E2F6: variants seen among roughly 807,000 people sequenced by gnomAD.
E2F6 encodes transcription factor E2F6.
E2F6 carries 19 observed loss-of-function variants against 31.5 expected under a neutral mutation model. That is an observed-to-expected ratio of 0.60 (90% confidence interval 0.42 to 0.89). The LOEUF is 0.89. E2F6 is among the 40% of genes least tolerant of loss of function. The pLI, the probability that E2F6 is intolerant of heterozygous loss-of-function variation, is 0.00. For missense variants in E2F6, 269 were observed against 341.6 expected (o/e 0.79, Z 1.67); for synonymous variants, 121 against 127.7 (o/e 0.95, Z 0.36).
chr2:11,459,046 C>T (rs1265283929), intron 1 of E2F6, among the ~76,000 whole-genome samples: 2 of 152,084 alleles, frequency 1.3e-5, no homozygotes, highest in African/African-American at 4.8e-5. Flanking sequence ...CATTTAACCC[C>T]TCTGCTAATA....
intron 1 of E2F6, among the ~76,000 whole-genome samples, chr2:11,461,475 C>T (rs191593751): frequency 6.0e-4 from 92 of 152,328 alleles, no homozygotes; most frequent in African/African-American, 2.0e-3. Context: ...CCTCAGCCTC[C>T]CGAGTAGCTG....
At position 11,465,721 on chromosome 2, in the gene E2F6, G is replaced by A. The variant is rs1339740638; in HGVS notation, c.108+51C>T. ...GGTTGGCGGCGGCGCGGGGAGGAGG[G>A]GGCCGGATTTGGGAGACCACCGCCC... is the stretch of plus-strand genomic sequence containing the variant. On this transcript the variant is annotated intron_variant, in intron 1 of 6. Coordinates refer to ENST00000381525, the MANE Select transcript of E2F6 (RefSeq NM_198256.4). The A allele has an allele frequency of 3.2e-6, 5 of 1,540,258 alleles. No homozygotes were observed. In the East Asian group the frequency reaches 7.4e-5, roughly 23 times the overall value.
At chr2:11,461,115 G>T (rs999650343) in intron 1 of E2F6, among the ~76,000 whole-genome samples, 3 of 152,148 alleles carry the variant, frequency 2.0e-5, no homozygotes, top group Non-Finnish European at 2.9e-5. Context: ...TATCTCCACA[G>T]GCAATGCAGA....
chr2:11,451,868 T>C, intron 3 of E2F6, 62 bp from the exon 4 acceptor site: 1 of 1,501,454 alleles, frequency 6.7e-7, no homozygotes, highest in East Asian at 2.4e-5. Context: ...TAATTTCAAG[T>C]TAGGTTATTG....
chr2:11,453,708 C>T lies in E2F6; in HGVS notation c.254G>A (p.Gly85Asp), dbSNP rs1671216443. 6.2e-7 allele frequency: 1 copy of T among 1,614,100 alleles called. No homozygotes were observed. Among genetic ancestry groups the T allele is most frequent in the East Asian group, 2.2e-5 (1 of 44,882 alleles). ...TGCAACCTTGTTTAAGTCAAGAATA[C>T]CCCCGGGAGCAGATCTGACAAGATC... ...FMDLVRSAPG[G>D]ILDLNKVATK... The change falls in exon 3 of 7, where the codon GGT becomes GAT. Residue 85 changes from glycine (G) to aspartate (D), a missense_variant. Physicochemically the swap from Gly to Asp is moderately conservative, Grantham distance 94. Coordinates refer to ENST00000381525, the MANE Select transcript of E2F6 (RefSeq NM_198256.4).
chr2:11,451,582 C>A, intron 4 of E2F6, 69 bp downstream of exon 4: 1 of 1,424,122 alleles, frequency 7.0e-7, no homozygotes. Flanking sequence ...AGTCCCCAAG[C>A]TGACTCTACT....
chr2:11,451,651 C>T lies in E2F6; in HGVS notation c.536G>A (p.Arg179Lys), dbSNP rs1320487259. 1.2e-6 allele frequency: 2 copies of T among 1,609,152 alleles called. No individual in the cohort carries two copies. Among genetic ancestry groups the T allele is most frequent in the Non-Finnish European group, 1.7e-6 (2 of 1,177,756 alleles). The change falls in exon 4 of 7, where the codon AGA becomes AAA. Residue 179 changes from arginine (R) to lysine (K), a missense_variant and splice_region_variant. Coordinates refer to ENST00000381525, the MANE Select transcript of E2F6 (RefSeq NM_198256.4). The stretch of plus-strand genomic sequence containing the variant: ...AAAAAGGTATAGACTTAAAGGATAT[C>T]TTTCATTTTCTTTGTCATCTGTTAA... ...FELTDDKENERLAYVTYQDIH... is the reference protein window; with the variant it reads ...FELTDDKENEKLAYVTYQDIH...
intron 6 of E2F6, 91 bp downstream of exon 6, chr2:11,447,535 AG>A (rs1381382045): frequency 1.4e-6 from 2 of 1,379,908 alleles, no homozygotes; most frequent in Admixed American, 2.1e-5. Flanking sequence ...TTTTGTGGCT[AG>A]GAAGAGTAAA....
chr2:11,462,878 T>C (rs926499360), intron 1 of E2F6, among the ~76,000 whole-genome samples: 5 of 152,218 alleles, frequency 3.3e-5, no homozygotes, highest in Admixed American at 2.0e-4. Flanking sequence ...GACCACAGGT[T>C]AACTGAAATA....
intron 1 of E2F6, among the ~76,000 whole-genome samples, chr2:11,461,927 G>A (rs141007939): frequency 5.9e-5 from 9 of 152,202 alleles, no homozygotes; most frequent in South Asian, 4.1e-4. Context: ...CACATATAGC[G>A]TCACTAAATT....
chr2:11,456,091 T>G (rs760540620), intron 2 of E2F6, among the ~76,000 whole-genome samples: 13 of 152,182 alleles, frequency 8.5e-5, no homozygotes, highest in Non-Finnish European at 1.5e-4. Flanking sequence ...GCTGCGGCAT[T>G]AAGCAAGAAA....
chr2:11,448,927 C>G (rs1670891407), intron 5 of E2F6, among the ~76,000 whole-genome samples: 1 of 152,160 alleles, frequency 6.6e-6, no homozygotes, highest in Admixed American at 6.5e-5. Context: ...GTTTGCCACC[C>G]ATCACACTAG....
At chr2:11,455,197 T>C (rs975950453) in intron 2 of E2F6, 6 of 568,986 alleles carry the variant, frequency 1.1e-5, no homozygotes, top group Non-Finnish European at 1.4e-5. Context: ...AATTTGATAC[T>C]AAGAAAAAGT....
chr2:11,457,063 G>T (rs1388177189), intron 2 of E2F6, 116 bp downstream of exon 2: 1 of 807,084 alleles, frequency 1.2e-6, no homozygotes, highest in Non-Finnish European at 2.0e-6. Context: ...ACATTTCAGT[G>T]TACACATAAC....
chr2:11,460,537 G>A (rs114801810), intron 1 of E2F6, among the ~76,000 whole-genome samples: 1,566 of 152,284 alleles, frequency 0.01, 22 homozygotes, highest in African/African-American at 0.034. Flanking sequence ...TCTCCAGCTT[G>A]CAGCCAGCCT....
intron 1 of E2F6, among the ~76,000 whole-genome samples, chr2:11,464,941 C>T (rs986189317): frequency 6.6e-6 from 1 of 151,746 alleles, no homozygotes; most frequent in Non-Finnish European, 1.5e-5. Context: ...GGGGAGAGGT[C>T]GGGCTCGGTG....
intron 3 of E2F6, among the ~76,000 whole-genome samples, chr2:11,453,366 C>T (rs187536945): frequency 1.8e-3 from 277 of 152,220 alleles, no homozygotes; most frequent in African/African-American, 6.5e-3. Context: ...AACAAATTTT[C>T]CCAATATCAA....
intron 5 of E2F6, among the ~76,000 whole-genome samples, chr2:11,448,938 G>A (rs2148335184): frequency 6.6e-6 from 1 of 152,276 alleles, no homozygotes; most frequent in South Asian, 2.1e-4. Flanking sequence ...ATCACACTAG[G>A]TCCCCAGATC....
chr2:11,448,718 G>A lies in E2F6; in HGVS notation c.652-944C>T, dbSNP rs539701310. ...ACAATAACATTCCACTAAATTAAGT[G>A]TTGTCAAACTTCCATAAAGGCTGAG... On this transcript the variant is annotated intron_variant, in intron 5 of 6. Transcript: ENST00000381525. 5.3e-5 allele frequency among the ~76,000 whole-genome samples: 8 copies of A among 152,296 alleles called. No homozygotes were observed. The South Asian group carries it at 1.7e-3, about 32-fold the overall frequency.
Sources: allele counts gnomAD v4.1 joint callset (sites outside exome capture counted in the v4.1 genomes callset), GRCh38; gene constraint gnomAD v4.1.1; transcripts MANE v1.5; gene names NCBI Gene and HGNC (gene_info 2026-07-23, HGNC 2026-07-21).